Variants in RARB observed in about 807,000 individuals in gnomAD.
The protein encoded by RARB is retinoic acid receptor beta.
A neutral mutation model predicts 51.9 loss-of-function variants in RARB; 17 were observed. The observed-to-expected ratio is 0.33, with a 90% confidence interval of 0.22 to 0.49. The LOEUF (loss-of-function observed/expected upper bound fraction) is 0.49. Among genes scored for constraint, RARB ranks in the 20% least tolerant of loss-of-function variants. The pLI is 0.99. For synonymous variants in RARB, 215 were observed against 195.4 expected (o/e 1.10, Z -0.84); for missense variants, 369 against 550.8 (o/e 0.67, Z 3.30).
chr3:25,052,795 A>G (rs1469932289), intron 2 of RARB, among the ~76,000 whole-genome samples: 1 of 152,158 alleles, frequency 6.6e-6, no homozygotes, highest in African/African-American at 2.4e-5. Context: ...TTCTCCATCT[A>G]GAAATACGTA....
At chr3:25,377,680 A>G (rs749622835) in intron 5 of RARB, among the ~76,000 whole-genome samples, 1 of 152,162 alleles carries the variant, frequency 6.6e-6, no homozygotes, top group Admixed American at 6.5e-5. Flanking sequence ...GGGAGACACA[A>G]TTTCCAAATT....
intron 5 of RARB, among the ~76,000 whole-genome samples, chr3:25,253,615 C>G (rs928681104): frequency 1.3e-5 from 2 of 151,930 alleles, no homozygotes; most frequent in Non-Finnish European, 2.9e-5. Flanking sequence ...AGAAAATGGA[C>G]AGATGAATAA....
chr3:25,093,008 C>T (rs962106619), intron 3 of RARB, among the ~76,000 whole-genome samples: 1 of 152,160 alleles, frequency 6.6e-6, no homozygotes, highest in Non-Finnish European at 1.5e-5. Context: ...AAATGCCATT[C>T]CATCCCTACT....
At chr3:25,500,188 C>T (rs956292913) in intron 2 of RARB, among the ~76,000 whole-genome samples, 10 of 152,108 alleles carry the variant, frequency 6.6e-5, no homozygotes, top group African/African-American at 2.2e-4. Flanking sequence ...AACTAAAGAA[C>T]TGAATTCTTA....
chr3:25,567,848 C>A (rs138555691), intron 3 of RARB, among the ~76,000 whole-genome samples: 1 of 152,158 alleles, frequency 6.6e-6, no homozygotes. Flanking sequence ...TGAGATCCTG[C>A]GCACTCACAC....
At chr3:24,958,642 C>A (rs1696074965) in intron 2 of RARB, among the ~76,000 whole-genome samples, 2 of 152,118 alleles carry the variant, frequency 1.3e-5, no homozygotes, top group Admixed American at 1.3e-4. Flanking sequence ...GAGGTAACCA[C>A]TCTGAGAAGC....
intron 2 of RARB, among the ~76,000 whole-genome samples, chr3:24,966,229 G>A (rs1696251462): frequency 6.6e-6 from 1 of 151,908 alleles, no homozygotes; most frequent in African/African-American, 2.4e-5. Context: ...TGGAATTTGG[G>A]AAACTAGAAG....
intron 5 of RARB, among the ~76,000 whole-genome samples, chr3:25,205,302 G>A (rs757237844): frequency 1.3e-5 from 2 of 152,118 alleles, no homozygotes; most frequent in Non-Finnish European, 2.9e-5. Context: ...GGAGTGACCC[G>A]ATTTTCCAGG....
chr3:25,176,293 TTTTCTTTCTTTCTTTC>T (rs758062670), intron 5 of RARB, among the ~76,000 whole-genome samples: 6 of 64,124 alleles, frequency 9.4e-5, no homozygotes, highest in African/African-American at 3.5e-4. Flanking sequence ...TATATTTATC[TTTTCTTTCTTTCTTTC>T]TTTCTTTCTT....
At chr3:24,995,076 G>C (rs970938565) in intron 2 of RARB, among the ~76,000 whole-genome samples, 1 of 152,066 alleles carries the variant, frequency 6.6e-6, no homozygotes, top group Non-Finnish European at 1.5e-5. Context: ...AGATTGCTTT[G>C]AGTAGTATTG....
At chr3:25,260,699 G>A (rs1217082966) in intron 5 of RARB, among the ~76,000 whole-genome samples, 2 of 152,112 alleles carry the variant, frequency 1.3e-5, no homozygotes, top group Non-Finnish European at 2.9e-5. Flanking sequence ...GCAGCCGCCT[G>A]TGTTCAGTTG....
chr3:25,179,139 A>G (rs1444695649), intron 5 of RARB, among the ~76,000 whole-genome samples: 1 of 152,184 alleles, frequency 6.6e-6, no homozygotes, highest in Non-Finnish European at 1.5e-5. Flanking sequence ...AGGCTGTGCA[A>G]TCTCAGAATT....
intron 2 of RARB, among the ~76,000 whole-genome samples, chr3:24,886,976 TGTATTAATA>T: frequency 6.6e-6 from 1 of 152,226 alleles, no homozygotes; most frequent in Middle Eastern, 3.2e-3. Flanking sequence ...AATAAAACAT[TGTATTAATA>T]GTTTGAAAAG....
At chr3:25,010,514 A>G (rs9874671) in intron 2 of RARB, among the ~76,000 whole-genome samples, 72,119 of 151,888 alleles carry the variant, frequency 0.47, 17,855 homozygotes, top group East Asian at 0.71. Flanking sequence ...TGTGTTTGCT[A>G]CTGTACTTGA....
chr3:25,105,325 A>G lies in RARB; in HGVS notation c.-327-26836A>G, dbSNP rs556861723. The stretch of plus-strand genomic sequence containing the variant: ...ACTGTAAAAAGGGCAGGGGAGAAAG[A>G]TAGTAAAAAGATAGTAAAACGAGTG... On this transcript the variant is annotated intron_variant, in intron 3 of 11. Coordinates refer to the RARB transcript ENST00000383772. 3.9e-5 allele frequency among the ~76,000 whole-genome samples: 6 copies of G among 151,956 alleles called. No individual in the cohort carries two copies. The East Asian group carries it at 1.2e-3, about 29-fold the overall frequency.
chr3:25,258,390 C>T (rs1292562176), intron 5 of RARB, among the ~76,000 whole-genome samples: 1 of 152,122 alleles, frequency 6.6e-6, no homozygotes, highest in Admixed American at 6.6e-5. Context: ...GTAAAGTAGG[C>T]AGAATGCAGG....
At position 24,879,958 on chromosome 3, in the gene RARB, C is replaced by G. The variant is rs191654510; in HGVS notation, c.-380+21206C>G. Among the ~76,000 whole-genome samples the G allele has an allele frequency of 2.0e-5, 3 of 151,278 alleles. No homozygotes were observed. The East Asian group carries it at 5.9e-4, about 30-fold the overall frequency. On this transcript the variant is annotated intron_variant, in intron 2 of 11. Transcript: ENST00000383772. The stretch of plus-strand genomic sequence containing the variant: ...CAAAGTTCTTGAGTTTTGTGTTACG[C>G]CTCTGTCCTACAAAGTCACGAAAAC...
intron 5 of RARB, among the ~76,000 whole-genome samples, chr3:25,177,496 T>C (rs908821140): frequency 2.6e-5 from 4 of 152,206 alleles, no homozygotes; most frequent in African/African-American, 9.6e-5. Context: ...ATATCTCTTT[T>C]GTAATCTGTA....
intron 3 of RARB, among the ~76,000 whole-genome samples, chr3:25,068,381 A>C (rs73149145): frequency 0.068 from 10,374 of 151,908 alleles, 582 homozygotes; most frequent in East Asian, 0.18. Flanking sequence ...ACTAATCACC[A>C]TACTTCTCCC....
Sources: gnomAD v4.1 joint callset for allele counts (sites outside exome capture counted in the v4.1 genomes callset) on GRCh38, gnomAD v4.1.1 for gene constraint, MANE v1.5 for transcripts, NCBI Gene and HGNC (gene_info 2026-07-23, HGNC 2026-07-21) for gene names.